SPEF2: variants seen among roughly 807,000 people sequenced by gnomAD.
SPEF2 encodes the protein sperm flagella and cilia-associated protein 2.
SPEF2 carries 187 observed loss-of-function variants against 224.6 expected under a neutral mutation model. That is an observed-to-expected ratio of 0.83 (90% CI 0.74 to 0.94). The LOEUF is 0.94. SPEF2 is among the 40% of genes least tolerant of loss of function. SPEF2 has a pLI of 0.00. For synonymous variants in SPEF2, 715 were observed against 707.3 expected (o/e 1.01, Z -0.17); for missense variants, 2,170 against 2,135.6 (o/e 1.02, Z -0.32).
At chr5:35,809,399 G>T (rs931053819) in intron 36 of SPEF2, among the ~76,000 whole-genome samples, 1 of 152,130 alleles carries the variant, frequency 6.6e-6, no homozygotes, top group Non-Finnish European at 1.5e-5. Flanking sequence ...TGACATTTTT[G>T]TGCTGGAAGT....
At chr5:35,638,756 C>T (rs569466233) in intron 2 of SPEF2, among the ~76,000 whole-genome samples, 16 of 152,298 alleles carry the variant, frequency 1.1e-4, no homozygotes, top group African/African-American at 3.4e-4. Flanking sequence ...TACTCCTCAA[C>T]TAGATTGTGA....
At chr5:35,689,803 A>G (rs567332225) in intron 10 of SPEF2, among the ~76,000 whole-genome samples, 1 of 152,262 alleles carries the variant, frequency 6.6e-6, no homozygotes, top group African/African-American at 2.4e-5. Flanking sequence ...GAATAGTACT[A>G]TGATGAACAG....
At chr5:35,760,505 G>A (rs1187028938) in intron 25 of SPEF2, among the ~76,000 whole-genome samples, 1 of 152,172 alleles carries the variant, frequency 6.6e-6, no homozygotes, top group Non-Finnish European at 1.5e-5. Context: ...TTGAGAAACA[G>A]TAAAGTCTCA....
chr5:35,691,137 A>G lies in SPEF2; in HGVS notation c.1625A>G (p.Lys542Arg), dbSNP rs1224362158. Residue 542 changes from lysine (K) to arginine (R), a missense_variant, in exon 11 of 37, where the codon AAA becomes AGA. Transcript: ENST00000356031. Reference protein sequence around the residue: ...LGHILHRLAEKSLPPRAESTT... With the variant: ...LGHILHRLAERSLPPRAESTT... ...CATATTCTTCACAGGCTAGCTGAAA[A>G]ATCTCTTCCTCCTCGAGCGGAATCA... The G allele has an allele frequency of 6.2e-7, 1 of 1,614,092 alleles. No individual in the cohort carries two copies. The highest frequency in any genetic ancestry group is 1.1e-5 in the South Asian group (1 of 91,074).
chr5:35,749,689 G>A (rs977291102), intron 23 of SPEF2, among the ~76,000 whole-genome samples: 24 of 151,992 alleles, frequency 1.6e-4, no homozygotes, highest in South Asian at 1.3e-3. Context: ...AAACACTGCT[G>A]AAAAAAATCA....
Position 35,739,866 on chromosome 5 carries a change from T to G in SPEF2, c.3064-53T>G, listed in dbSNP as rs572937555. 2.1e-4 allele frequency: 332 copies of G among 1,601,646 alleles called. 3 individuals are homozygous for G. The South Asian group carries it at 3.7e-3, about 18-fold the overall frequency. The stretch of plus-strand genomic sequence containing the variant: ...GGGACTGTTCTTTTGACACTATTAT[T>G]CAGAAGAACTTTCATTTTGAAGTAA... On this transcript the variant is annotated intron_variant, in intron 21 of 36. Coordinates refer to ENST00000356031, the MANE Select transcript of SPEF2 (RefSeq NM_024867.4).
At chr5:35,633,767 G>A (rs1745452008) in intron 2 of SPEF2, among the ~76,000 whole-genome samples, 1 of 151,684 alleles carries the variant, frequency 6.6e-6, no homozygotes, top group Non-Finnish European at 1.5e-5. Context: ...TTCTTTTACT[G>A]TATTTTTTGA....
chr5:35,732,125 G>A (rs1368926264), intron 21 of SPEF2, among the ~76,000 whole-genome samples: 1 of 152,184 alleles, frequency 6.6e-6, no homozygotes, highest in Non-Finnish European at 1.5e-5. Flanking sequence ...GTCTTGTTGA[G>A]CTGACCCATT....
At chr5:35,665,217 C>A (rs894933753) in intron 8 of SPEF2, among the ~76,000 whole-genome samples, 1 of 152,086 alleles carries the variant, frequency 6.6e-6, no homozygotes, top group Non-Finnish European at 1.5e-5. Context: ...TAGCAGGGAG[C>A]AAGGCCAGCT....
rs1050810411 is a variant in SPEF2, at chr5:35,772,509, A to G, written c.3949+753A>G. On this transcript the variant is annotated intron_variant, in intron 27 of 36. Transcript: ENST00000356031. ...CATTGTGCTTTGATAGGGGAGGTACAAGTACCTTAAGAACAAGGTCTCCCT... is the reference window on the plus strand; with the variant it reads ...CATTGTGCTTTGATAGGGGAGGTACGAGTACCTTAAGAACAAGGTCTCCCT... 5.3e-5 allele frequency among the ~76,000 whole-genome samples: 8 copies of G among 152,266 alleles called. 1 individual carries two copies. The highest frequency in any genetic ancestry group is 6.8e-3 in the Middle Eastern group (2 of 294).
At chr5:35,784,136 T>G (rs1754741862) in intron 30 of SPEF2, among the ~76,000 whole-genome samples, 1 of 151,920 alleles carries the variant, frequency 6.6e-6, no homozygotes, top group East Asian at 1.9e-4. Flanking sequence ...TAGATTTTTT[T>G]TTTTTTTTTG....
At chr5:35,782,077 C>T (rs1177686560) in intron 30 of SPEF2, among the ~76,000 whole-genome samples, 2 of 152,138 alleles carry the variant, frequency 1.3e-5, no homozygotes, top group African/African-American at 2.4e-5. Context: ...TGTTTTTCTA[C>T]CCCGGTTTGG....
intron 10 of SPEF2, among the ~76,000 whole-genome samples, chr5:35,673,283 T>C (rs1751440945): frequency 6.6e-6 from 1 of 152,198 alleles, no homozygotes; most frequent in African/African-American, 2.4e-5. Context: ...CTAGTGGTTC[T>C]CAATCATGCA....
chr5:35,622,718 C>A (rs1244371615), intron 1 of SPEF2, among the ~76,000 whole-genome samples: 2 of 152,098 alleles, frequency 1.3e-5, no homozygotes, highest in East Asian at 3.8e-4. Flanking sequence ...TCCTGGCTAG[C>A]CTCGCAGCGT....
At chr5:35,777,448 T>C (rs532067751) in intron 29 of SPEF2, among the ~76,000 whole-genome samples, 1 of 152,110 alleles carries the variant, frequency 6.6e-6, no homozygotes, top group Non-Finnish European at 1.5e-5. Flanking sequence ...AGTAATAATA[T>C]TCATTTCTGT....
At chr5:35,770,450 T>G (rs1045469620) in intron 26 of SPEF2, among the ~76,000 whole-genome samples, 3 of 152,254 alleles carry the variant, frequency 2.0e-5, no homozygotes, top group Middle Eastern at 3.4e-3. Context: ...CATCAGAGCT[T>G]ATTCCTCTTA....
chr5:35,696,083 A>ATTTTT (rs1251584019), intron 14 of SPEF2, among the ~76,000 whole-genome samples: 5 of 152,128 alleles, frequency 3.3e-5, no homozygotes, highest in African/African-American at 4.8e-5. Context: ...TTACCATTTA[A>ATTTTT]TTTATGACTT....
chr5:35,782,080 C>T (rs893563293), intron 30 of SPEF2, among the ~76,000 whole-genome samples: 6 of 152,276 alleles, frequency 3.9e-5, no homozygotes, highest in South Asian at 4.1e-4. Flanking sequence ...TTTTCTACCC[C>T]GGTTTGGCAA....
At chr5:35,715,103 G>A (rs1245463315) in intron 20 of SPEF2, among the ~76,000 whole-genome samples, 1 of 151,944 alleles carries the variant, frequency 6.6e-6, no homozygotes, top group African/African-American at 2.4e-5. Flanking sequence ...TTTTTGTAGA[G>A]ATGGGGTTTC....
Sources: gnomAD v4.1 joint callset for allele counts (sites outside exome capture counted in the v4.1 genomes callset) on GRCh38, gnomAD v4.1.1 for gene constraint, MANE v1.5 for transcripts, NCBI Gene and HGNC (gene_info 2026-07-23, HGNC 2026-07-21) for gene names.